The following MRPS28 variants were observed in gnomAD, a reference collection of about 807,000 sequenced individuals.
MRPS28 encodes the protein mitochondrial ribosomal protein S28.
A neutral mutation model predicts 10.8 loss-of-function variants in MRPS28; 7 were observed. The ratio of observed to expected loss-of-function variants is 0.65; its 90% confidence interval spans 0.37 to 1.22. The LOEUF is 1.22. Ranked by LOEUF, MRPS28 falls within the 50% of genes most tolerant of loss-of-function variation. The pLI is 0.02. For synonymous variants in MRPS28, 121 were observed against 93.3 expected (o/e 1.30, Z -1.71); for missense variants, 265 against 232.9 (o/e 1.14, Z -0.90).
intron 1 of MRPS28, among the ~76,000 whole-genome samples, chr8:80,026,039 C>T (rs1339509736): frequency 6.6e-6 from 1 of 152,190 alleles, no homozygotes. Flanking sequence ...TTACATTTCA[C>T]ATAATAACCT....
chr8:79,977,596 C>A (rs1183969541), intron 2 of MRPS28, among the ~76,000 whole-genome samples: 1 of 152,144 alleles, frequency 6.6e-6, no homozygotes. Flanking sequence ...GTAGGCAGAT[C>A]ACTTGAGACC....
At chr8:79,997,317 A>T (rs1586085534) in intron 2 of MRPS28, among the ~76,000 whole-genome samples, 1 of 152,192 alleles carries the variant, frequency 6.6e-6, no homozygotes, top group South Asian at 2.1e-4. Flanking sequence ...ATATTAACTT[A>T]AAGCAGATTA....
chr8:80,019,309 T>C (rs1285929016), intron 1 of MRPS28, among the ~76,000 whole-genome samples: 2 of 146,244 alleles, frequency 1.4e-5, no homozygotes, highest in Non-Finnish European at 3.0e-5. Flanking sequence ...GTGTGCCCCC[T>C]AAGCATATAC....
chr8:79,985,068 A>T (rs1442231233), intron 2 of MRPS28, among the ~76,000 whole-genome samples: 1 of 152,218 alleles, frequency 6.6e-6, no homozygotes, highest in African/African-American at 2.4e-5. Context: ...AAATTATAAC[A>T]AACTGTCTCT....
chr8:79,965,474 T>C (rs549753413), intron 2 of MRPS28, among the ~76,000 whole-genome samples: 35 of 152,210 alleles, frequency 2.3e-4, no homozygotes, highest in African/African-American at 7.0e-4. Context: ...AATCAACCCA[T>C]ATATCCACAG....
At chr8:79,974,779 G>A (rs1807745270) in intron 2 of MRPS28, among the ~76,000 whole-genome samples, 1 of 151,990 alleles carries the variant, frequency 6.6e-6, no homozygotes, top group Non-Finnish European at 1.5e-5. Flanking sequence ...GGCAGGCAAT[G>A]ACAAACTACA....
intron 2 of MRPS28, among the ~76,000 whole-genome samples, chr8:79,972,503 T>C (rs1807661524): frequency 6.6e-6 from 1 of 152,218 alleles, no homozygotes; most frequent in Admixed American, 6.5e-5. Flanking sequence ...TAGGTATATA[T>C]GTAGGAATGG....
At chr8:79,998,429 T>C (rs1808567235) in intron 2 of MRPS28, among the ~76,000 whole-genome samples, 1 of 152,232 alleles carries the variant, frequency 6.6e-6, no homozygotes, top group African/African-American at 2.4e-5. Context: ...TATACGTATG[T>C]CTATTTTGCA....
chr8:80,016,364 T>C (rs1448722470), intron 1 of MRPS28, among the ~76,000 whole-genome samples: 1 of 150,678 alleles, frequency 6.6e-6, no homozygotes, highest in Non-Finnish European at 1.5e-5. Flanking sequence ...TCATAAATCA[T>C]GCAATCAAGA....
In MRPS28 at chr8:80,003,136, A is replaced by T. The variant is rs577615041; in HGVS notation, c.258T>A (p.His86Gln). The T allele has an allele frequency of 4.4e-6, 7 of 1,604,364 alleles. No individual in the cohort carries two copies. Among genetic ancestry groups the T allele is most frequent in the African/African-American group, 2.7e-5 (2 of 74,430 alleles). ...NVESFASMLRHSPLTQMGPAK... is the reference protein window; with the variant it reads ...NVESFASMLRQSPLTQMGPAK... ...CAGGTCCCATCTGTGTAAGAGGAGA[A>T]TGTCTCAGCATAGATGCAAAGGATT... Residue 86 changes from histidine to glutamine, a missense_variant, in exon 2 of 3, where the codon CAT becomes CAA. Coordinates refer to ENST00000276585, the MANE Select transcript of MRPS28 (RefSeq NM_014018.3).
intron 2 of MRPS28, among the ~76,000 whole-genome samples, chr8:79,982,221 T>C (rs1195095948): frequency 2.0e-5 from 3 of 152,128 alleles, no homozygotes; most frequent in African/African-American, 7.2e-5. Flanking sequence ...CATTCCAGCC[T>C]GGGCAACTGA....
At chr8:79,926,979 G>A (rs1275091951) in intron 2 of MRPS28, among the ~76,000 whole-genome samples, 1 of 152,168 alleles carries the variant, frequency 6.6e-6, no homozygotes, top group Non-Finnish European at 1.5e-5. Context: ...AATGCGTTCA[G>A]CAGCTATTCT....
intron 2 of MRPS28, among the ~76,000 whole-genome samples, chr8:79,953,626 A>T (rs915438221): frequency 1.3e-5 from 2 of 152,216 alleles, no homozygotes; most frequent in Non-Finnish European, 2.9e-5. Context: ...AATATATATT[A>T]AGACCATATT....
chr8:80,000,949 C>A (rs1251298386), intron 2 of MRPS28, among the ~76,000 whole-genome samples: 2 of 151,956 alleles, frequency 1.3e-5, no homozygotes, highest in Non-Finnish European at 2.9e-5. Context: ...AAGAACAGTG[C>A]CGACAAAAGA....
chr8:80,007,858 T>C (rs550722606), intron 1 of MRPS28, among the ~76,000 whole-genome samples: 133 of 152,282 alleles, frequency 8.7e-4, no homozygotes, highest in African/African-American at 3.1e-3. Context: ...CAAGGTAATT[T>C]ATAGATTCAA....
intron 2 of MRPS28, among the ~76,000 whole-genome samples, chr8:79,976,394 C>CT (rs1296551748): frequency 1.3e-5 from 2 of 152,130 alleles, no homozygotes; most frequent in Non-Finnish European, 2.9e-5. Flanking sequence ...TGTTAAGAAC[C>CT]TTTTTTAAAA....
chr8:79,998,221 AAAG>A (rs1446998752), intron 2 of MRPS28, among the ~76,000 whole-genome samples: 2 of 152,220 alleles, frequency 1.3e-5, no homozygotes, highest in Non-Finnish European at 2.9e-5. Context: ...TACAAAAGAA[AAAG>A]ATGATGTCAA....
At chr8:79,954,850 G>A (rs1807163700) in intron 2 of MRPS28, among the ~76,000 whole-genome samples, 1 of 152,102 alleles carries the variant, frequency 6.6e-6, no homozygotes, top group Non-Finnish European at 1.5e-5. Flanking sequence ...ACTACTGGAA[G>A]CTTGGCTGGG....
chr8:79,938,813 T>C (rs1215029684), intron 2 of MRPS28, among the ~76,000 whole-genome samples: 2 of 152,220 alleles, frequency 1.3e-5, no homozygotes, highest in Non-Finnish European at 2.9e-5. Context: ...GGTTCAGTTT[T>C]ATAAATGAGT....
Sources: allele counts gnomAD v4.1 joint callset (sites outside exome capture counted in the v4.1 genomes callset), GRCh38; gene constraint gnomAD v4.1.1; transcripts MANE v1.5; gene names NCBI Gene and HGNC (gene_info 2026-07-23, HGNC 2026-07-21).